The following NALCN variants were observed in gnomAD, a reference collection of about 807,000 sequenced individuals.
The protein encoded by NALCN is sodium leak channel NALCN.
A neutral mutation model predicts 225.3 loss-of-function variants in NALCN; 111 were observed. That is an observed-to-expected ratio of 0.49 (90% CI 0.42 to 0.58). The LOEUF is 0.58. NALCN is among the 20% of genes least tolerant of loss of function. The probability of loss-of-function intolerance (pLI) is 0.00; values close to 1 mark genes in which losing one functional copy is unlikely to be tolerated. For synonymous variants in NALCN, 764 were observed against 769.0 expected, an observed-to-expected ratio of 0.99 and a Z score of 0.11; for missense variants, 1,378 against 2,202.4, an observed-to-expected ratio of 0.63 and a Z score of 7.49.
intron 28 of NALCN, among the ~76,000 whole-genome samples, chr13:101,091,371 T>A (rs1300862164): frequency 6.6e-6 from 1 of 152,186 alleles, no homozygotes; most frequent in East Asian, 1.9e-4. Flanking sequence ...TACCATCTTT[T>A]ATGTTTTTTA....
intron 20 of NALCN, among the ~76,000 whole-genome samples, chr13:101,109,394 A>C (rs1314372372): frequency 6.6e-6 from 1 of 152,162 alleles, no homozygotes; most frequent in Non-Finnish European, 1.5e-5. Context: ...CTCGCTCTTG[A>C]TTTTGCCCGG....
intron 6 of NALCN, among the ~76,000 whole-genome samples, chr13:101,364,640 A>T (rs1381842591): frequency 6.6e-6 from 1 of 152,098 alleles, no homozygotes; most frequent in Non-Finnish European, 1.5e-5. Flanking sequence ...ATACAGTCAG[A>T]TAAAATAAAT....
In NALCN at chr13:101,377,054, C is replaced by T; in HGVS notation, c.378G>A (p.Val126=). 1.2e-6 allele frequency: 2 copies of T among 1,614,110 alleles called. No homozygotes were observed. The highest frequency in any genetic ancestry group is 1.7e-5 in the Admixed American group (1 of 60,010). Residue 126 remains valine (V), a splice_region_variant and synonymous_variant, in exon 5 of 44, where the codon GTG becomes GTA. Transcript: ENST00000251127. ...GATCAACTATATCAGCAATTTCAAA[C>T]ACCTACAAATTAAAAGATGGGTAAA... The part of the protein sequence containing the change: ...FCLWVSLVLQ[V]FEIADIVDQM...
At chr13:101,350,008 G>A (rs749690006) in intron 6 of NALCN, among the ~76,000 whole-genome samples, 3 of 152,004 alleles carry the variant, frequency 2.0e-5, no homozygotes, top group Admixed American at 6.6e-5. Context: ...TAATCGTCAC[G>A]TTCTCCAACA....
chr13:101,142,024 T>A (rs1247042098), intron 17 of NALCN, among the ~76,000 whole-genome samples: 1 of 152,226 alleles, frequency 6.6e-6, no homozygotes, highest in Non-Finnish European at 1.5e-5. Context: ...GTGACCAAGC[T>A]GATATATATA....
At chr13:101,110,235 C>T (rs939773715) in intron 20 of NALCN, among the ~76,000 whole-genome samples, 5 of 152,096 alleles carry the variant, frequency 3.3e-5, no homozygotes, top group African/African-American at 1.2e-4. Context: ...TATATAAAGC[C>T]CTGAAATTAT....
rs775530604 is a variant in NALCN, at chr13:101,075,873, A to G, written c.3954T>C (p.His1318=). The part of the protein sequence containing the change: ...VFRFFSICGK[H]VTLKMLLLTV... ...ATAAGATTCTTAACAATGTACTTACATGTTTTCCACAGATGGAGAAAAACC... is the reference window on the plus strand; with the variant it reads ...ATAAGATTCTTAACAATGTACTTACGTGTTTTCCACAGATGGAGAAAAACC... The change falls in exon 35 of 44, where the codon CAT becomes CAC. Residue 1318 remains histidine, a splice_region_variant and synonymous_variant. Transcript: ENST00000251127. 6 of 1,607,344 alleles carry G rather than the reference A, an allele frequency of 3.7e-6. No homozygotes were observed. The highest frequency in any genetic ancestry group is 2.7e-5 in the African/African-American group (2 of 74,592).
At chr13:101,267,432 A>G (rs1157823149) in intron 10 of NALCN, among the ~76,000 whole-genome samples, 1 of 152,168 alleles carries the variant, frequency 6.6e-6, no homozygotes, top group Non-Finnish European at 1.5e-5. Context: ...GTGGCCTCCA[A>G]TTGAATTCAC....
In NALCN at chr13:101,322,431, A is replaced by G. The variant is rs904840526; in HGVS notation, c.799+22835T>C. Among the ~76,000 whole-genome samples the G allele has an allele frequency of 1.3e-5, 2 of 152,340 alleles. 1 individual carries two copies. Among genetic ancestry groups the G allele is most frequent in the Middle Eastern group, 6.8e-3 (2 of 294 alleles). ...AGTATAAAATTCCTTACTTTAAAGT[A>G]TATGTTTTTATATTAATTCCAAAAG... On this transcript the variant is annotated intron_variant, in intron 7 of 43. Coordinates refer to ENST00000251127, the MANE Select transcript of NALCN (RefSeq NM_052867.4).
At chr13:101,200,435 T>C (rs1329073507) in intron 13 of NALCN, among the ~76,000 whole-genome samples, 1 of 152,146 alleles carries the variant, frequency 6.6e-6, no homozygotes, top group Non-Finnish European at 1.5e-5. Flanking sequence ...ACAGATAACA[T>C]TTTTCCCCTA....
intron 17 of NALCN, among the ~76,000 whole-genome samples, chr13:101,135,921 G>A (rs1406847684): frequency 2.6e-5 from 4 of 152,120 alleles, no homozygotes; most frequent in South Asian, 2.1e-4. Context: ...CAGAAAATGC[G>A]ATTAAAAATC....
intron 14 of NALCN, among the ~76,000 whole-genome samples, chr13:101,177,938 C>A (rs2039028043): frequency 6.6e-6 from 1 of 152,130 alleles, no homozygotes; most frequent in African/African-American, 2.4e-5. Flanking sequence ...ATGCCAGCAC[C>A]CTTCTTTTCA....
At chr13:101,129,282 C>A (rs546733792) in intron 17 of NALCN, among the ~76,000 whole-genome samples, 3 of 152,174 alleles carry the variant, frequency 2.0e-5, no homozygotes, top group Non-Finnish European at 4.4e-5. Flanking sequence ...TTTCTATCAT[C>A]GCTCAAGGTA....
At chr13:101,145,089 G>GA (rs142301327) in intron 15 of NALCN, among the ~76,000 whole-genome samples, 193 bp from the exon 16 acceptor site, 127 of 152,058 alleles carry the variant, frequency 8.4e-4, no homozygotes, top group African/African-American at 3.0e-3. Flanking sequence ...TGAGTTAACA[G>GA]AAAAAACAAA....
In NALCN at chr13:101,345,021, A is replaced by T. The variant is rs558700139; in HGVS notation, c.799+245T>A. ...CTTAAATGCTGTTATTGAGAATCGA[A>T]ATAGTCAAAAATGAGAGATCTGTAA... On this transcript the variant is annotated intron_variant, in intron 7 of 43. Coordinates refer to ENST00000251127, the MANE Select transcript of NALCN (RefSeq NM_052867.4). Among the ~76,000 whole-genome samples, 11 of 152,288 alleles carry T rather than the reference A, an allele frequency of 7.2e-5. No individual in the cohort carries two copies. In the South Asian group the frequency reaches 2.3e-3, roughly 32 times the overall value.
intron 28 of NALCN, among the ~76,000 whole-genome samples, chr13:101,090,491 G>T (rs2034175279): frequency 6.6e-6 from 1 of 152,162 alleles, no homozygotes; most frequent in African/African-American, 2.4e-5. Flanking sequence ...TGTCATCATG[G>T]TGAACACAGG....
At chr13:101,082,663 G>A in intron 33 of NALCN, 146 bp downstream of exon 33, 1 of 778,798 alleles carries the variant, frequency 1.3e-6, no homozygotes, top group Non-Finnish European at 2.2e-6. Context: ...GAGTTAAGCA[G>A]AACCGCTTAA....
intron 15 of NALCN, among the ~76,000 whole-genome samples, chr13:101,166,006 T>G (rs567398421): frequency 8.5e-4 from 130 of 152,354 alleles, no homozygotes; most frequent in African/African-American, 3.1e-3. Flanking sequence ...AGAATTTGTC[T>G]TTTTGTGACT....
chr13:101,260,643 A>G (rs772633214), intron 10 of NALCN, among the ~76,000 whole-genome samples: 3 of 152,136 alleles, frequency 2.0e-5, no homozygotes, highest in Non-Finnish European at 4.4e-5. Flanking sequence ...ACCTTTTCAT[A>G]TGCCTGTTTG....
Sources: gnomAD v4.1 joint callset for allele counts (sites outside exome capture counted in the v4.1 genomes callset) on GRCh38, gnomAD v4.1.1 for gene constraint, MANE v1.5 for transcripts, NCBI Gene and HGNC (gene_info 2026-07-23, HGNC 2026-07-21) for gene names.